The following GPHN variants were observed in gnomAD, a reference collection of about 807,000 sequenced individuals.
GPHN encodes the protein gephyrin.
In GPHN, 17 loss-of-function variants were observed where a neutral mutation model predicts 95.5. That is an observed-to-expected ratio of 0.18 (90% CI 0.12 to 0.27). The LOEUF (loss-of-function observed/expected upper bound fraction) is 0.27, where lower values mean the gene tolerates loss of function less well. Ranked by LOEUF, GPHN falls within the 10% of genes least tolerant of loss-of-function variation. The pLI is 1.00. For synonymous variants in GPHN, 320 were observed against 322.5 expected (o/e 0.99, Z 0.08); for missense variants, 660 against 978.1 (o/e 0.67, Z 4.34).
the GPHN span, among the ~76,000 whole-genome samples, chr14:67,706,635 T>C: frequency 6.6e-6 from 1 of 152,238 alleles, no homozygotes; most frequent in African/African-American, 2.4e-5. Context: ...GATACGCATT[T>C]ATCTTAGTGA....
At chr14:67,522,000 G>C in the GPHN span, among the ~76,000 whole-genome samples, 1 of 151,992 alleles carries the variant, frequency 6.6e-6, no homozygotes. Flanking sequence ...CATAGTGAAA[G>C]TCGTCTCTAC....
At chr14:66,616,618 G>T (rs148006378) in intron 1 of GPHN, among the ~76,000 whole-genome samples, 1 of 152,106 alleles carries the variant, frequency 6.6e-6, no homozygotes, top group East Asian at 1.9e-4. Context: ...ACCTTGAGGG[G>T]CACCAGCCTA....
chr14:66,927,162 G>A (rs944121261), intron 8 of GPHN, among the ~76,000 whole-genome samples: 48 of 151,854 alleles, frequency 3.2e-4, no homozygotes, highest in African/African-American at 1.0e-3. Flanking sequence ...CAGCCTAACC[G>A]ACAAGGTGAA....
At chr14:66,568,200 T>C (rs924252203) in intron 1 of GPHN, among the ~76,000 whole-genome samples, 1 of 152,216 alleles carries the variant, frequency 6.6e-6, no homozygotes, top group Non-Finnish European at 1.5e-5. Context: ...TGTAGAATGT[T>C]AATGAAGCTA....
chr14:67,236,925 T>A, the GPHN span, among the ~76,000 whole-genome samples: 1 of 151,852 alleles, frequency 6.6e-6, no homozygotes, highest in East Asian at 1.9e-4. Context: ...CTGTCTCTAC[T>A]AAAAATTCAA....
rs1422882973 is a variant in GPHN, at chr14:66,971,329, G to T, written c.963+6004G>T. Among the ~76,000 whole-genome samples the T allele has an allele frequency of 2.0e-5, 3 of 151,978 alleles. No individual in the cohort carries two copies. The South Asian group carries it at 6.2e-4, about 32-fold the overall frequency. On this transcript the variant is annotated intron_variant, in intron 9 of 22. Coordinates refer to ENST00000478722, the MANE Select transcript of GPHN (RefSeq NM_020806.5). ...GGCAACGAGAACGAAACTCCATCTAGCTAGAAATAAAAATAGTAAAGCCTT... is the reference window on the plus strand; with the variant it reads ...GGCAACGAGAACGAAACTCCATCTATCTAGAAATAAAAATAGTAAAGCCTT...
intron 12 of GPHN, 78 bp downstream of exon 12, chr14:67,089,153 T>TTTTTTTTTTTTTTTTTTG: frequency 2.0e-6 from 1 of 498,256 alleles, no homozygotes; most frequent in Non-Finnish European, 3.6e-6. Flanking sequence ...TTTTTTTTTT[T>TTTTTTTTTTTTTTTTTTG]TTTTTCAAAT....
chr14:66,563,664 T>C (rs971832592), intron 1 of GPHN, among the ~76,000 whole-genome samples: 1 of 152,220 alleles, frequency 6.6e-6, no homozygotes. Context: ...AACCTTTTTC[T>C]AGTAGTTCAT....
chr14:67,651,586 A>ATGT, the GPHN span: 1 of 1,271,000 alleles, frequency 7.9e-7, no homozygotes, highest in South Asian at 1.5e-5. Context: ...CTGAGGCTGT[A>ATGT]TGTTTGATCA....
At chr14:67,241,230 G>C in the GPHN span, 1 of 152,412 alleles carries the variant, frequency 6.6e-6, no homozygotes, top group East Asian at 1.9e-4. Context: ...TCTCACGGGC[G>C]GGGTGGGACT....
At chr14:67,646,413 T>C in the GPHN span, 2 of 506,854 alleles carry the variant, frequency 3.9e-6, no homozygotes, top group Non-Finnish European at 7.0e-6. Flanking sequence ...AAGACAACCT[T>C]AGAGATTTTA....
chr14:66,662,069 C>A (rs2065691763), intron 1 of GPHN, among the ~76,000 whole-genome samples: 1 of 152,096 alleles, frequency 6.6e-6, no homozygotes, highest in African/African-American at 2.4e-5. Context: ...TTTTTTCTGT[C>A]TCAGCAACTT....
intron 16 of GPHN, among the ~76,000 whole-genome samples, chr14:67,113,787 T>A (rs2078516209): frequency 6.6e-6 from 1 of 152,202 alleles, no homozygotes; most frequent in South Asian, 2.1e-4. Flanking sequence ...TGAGAACTCT[T>A]GAAAAACTTC....
chr14:67,378,807 A>G, the GPHN span, among the ~76,000 whole-genome samples: 1 of 152,230 alleles, frequency 6.6e-6, no homozygotes, highest in African/African-American at 2.4e-5. Flanking sequence ...TTTTAATTAC[A>G]TAAAATTTCT....
chr14:67,138,475 C>A (rs1292703211), intron 17 of GPHN, among the ~76,000 whole-genome samples: 3 of 152,032 alleles, frequency 2.0e-5, no homozygotes, highest in Non-Finnish European at 4.4e-5. Context: ...ATGATTATAA[C>A]CCTTGTTACC....
chr14:67,734,936 A>T, the GPHN span, among the ~76,000 whole-genome samples: 2 of 152,066 alleles, frequency 1.3e-5, no homozygotes, highest in Non-Finnish European at 2.9e-5. Flanking sequence ...GGGAGTGGAT[A>T]CTCCTAACTG....
intron 2 of GPHN, 143 bp from the exon 3 acceptor site, chr14:66,776,321 C>A (rs2059381373): frequency 1.5e-6 from 1 of 687,092 alleles, no homozygotes; most frequent in Non-Finnish European, 2.7e-6. Context: ...AAAATATATG[C>A]ACAAAATGGT....
At chr14:67,310,202 C>A in the GPHN span, among the ~76,000 whole-genome samples, 1 of 152,000 alleles carries the variant, frequency 6.6e-6, no homozygotes, top group African/African-American at 2.4e-5. Flanking sequence ...ACACAACTTT[C>A]TAAAATTCAT....
chr14:66,556,041 G>A (rs992363258), intron 1 of GPHN, among the ~76,000 whole-genome samples: 1 of 152,096 alleles, frequency 6.6e-6, no homozygotes. Flanking sequence ...CTACAAACCT[G>A]TATAAATGTT....
Sources: allele counts gnomAD v4.1 joint callset (sites outside exome capture counted in the v4.1 genomes callset), GRCh38; gene constraint gnomAD v4.1.1; transcripts MANE v1.5; gene names NCBI Gene and HGNC (gene_info 2026-07-23, HGNC 2026-07-21).